The following SHLD1 variants were observed in gnomAD, a reference collection of about 807,000 sequenced individuals.
SHLD1 encodes RINN1-REV7-interacting novel NHEJ regulator 3.
In SHLD1, 3 loss-of-function variants were observed where a neutral mutation model predicts 5.5. The ratio of observed to expected loss-of-function variants is 0.54; its 90% confidence interval spans 0.25 to 1.40. The LOEUF (loss-of-function observed/expected upper bound fraction) is 1.40. Among genes scored for constraint, SHLD1 ranks in the 40% most tolerant of loss-of-function variants. The pLI is 0.15. For synonymous variants in SHLD1, 92 were observed against 94.3 expected, an observed-to-expected ratio of 0.98 and a Z score of 0.14; for missense variants, 210 against 244.4, an observed-to-expected ratio of 0.86 and a Z score of 0.94.
chr20:5,857,527 G>C (rs989795611), intron 2 of SHLD1, among the ~76,000 whole-genome samples: 2 of 152,098 alleles, frequency 1.3e-5, no homozygotes, highest in Admixed American at 1.3e-4. Flanking sequence ...CTTAAGTCTT[G>C]GTCAGGTGCT....
At chr20:5,847,251 A>G (rs1227959991) in intron 2 of SHLD1, among the ~76,000 whole-genome samples, 1 of 152,214 alleles carries the variant, frequency 6.6e-6, no homozygotes, top group Non-Finnish European at 1.5e-5. Context: ...CTCATCTGGA[A>G]AATAAGACAC....
chr20:5,766,308 T>G (rs1372652025), intron 1 of SHLD1, among the ~76,000 whole-genome samples: 13 of 152,142 alleles, frequency 8.5e-5, no homozygotes, highest in African/African-American at 7.2e-5. Context: ...CCTTGATCAC[T>G]CCATTCCTTT....
chr20:5,802,530 C>T (rs1186818480), intron 2 of SHLD1, among the ~76,000 whole-genome samples: 1 of 152,210 alleles, frequency 6.6e-6, no homozygotes. Context: ...AGAGCAGTAC[C>T]TGGTGCTTTG....
At chr20:5,846,733 G>C (rs989553616) in intron 2 of SHLD1, among the ~76,000 whole-genome samples, 1 of 152,194 alleles carries the variant, frequency 6.6e-6, no homozygotes, top group Non-Finnish European at 1.5e-5. Context: ...GGGATCGGGG[G>C]AACCATAGAT....
At chr20:5,816,089 G>GAAAAAAAAAAAAAAAAA (rs141881349) in intron 2 of SHLD1, among the ~76,000 whole-genome samples, 78 of 85,860 alleles carry the variant, frequency 9.1e-4, no homozygotes, top group East Asian at 1.6e-3. Flanking sequence ...TCAAAAAAAC[G>GAAAAAAAAAAAAAAAAA]AAAAAAAAAA....
At chr20:5,847,369 G>A (rs531563961) in intron 2 of SHLD1, among the ~76,000 whole-genome samples, 70 of 152,164 alleles carry the variant, frequency 4.6e-4, no homozygotes, top group Non-Finnish European at 8.8e-4. Flanking sequence ...AGCCGATGCC[G>A]TGAGGGTTGT....
chr20:5,854,927 G>T (rs1374340996), intron 2 of SHLD1, among the ~76,000 whole-genome samples: 1 of 147,986 alleles, frequency 6.8e-6, no homozygotes. Flanking sequence ...GAGTCCAGTG[G>T]CAGTGGCGTG....
intron 2 of SHLD1, among the ~76,000 whole-genome samples, chr20:5,826,294 T>C (rs2087664477): frequency 6.6e-6 from 1 of 152,336 alleles, no homozygotes; most frequent in East Asian, 1.9e-4. Flanking sequence ...TTTTCCCATA[T>C]TGAAATAGCT....
chr20:5,819,219 G>T (rs1294705), intron 2 of SHLD1, among the ~76,000 whole-genome samples: 1 of 151,722 alleles, frequency 6.6e-6, no homozygotes, highest in African/African-American at 2.4e-5. Flanking sequence ...GTTCCCCCTA[G>T]TGGAACTAAG....
At chr20:5,760,744 G>T (rs530834123) in intron 1 of SHLD1, among the ~76,000 whole-genome samples, 1 of 152,068 alleles carries the variant, frequency 6.6e-6, no homozygotes, top group African/African-American at 2.4e-5. Context: ...AGGAAGGTGT[G>T]TGAGTGTTGG....
chr20:5,789,437 C>T lies in SHLD1; in HGVS notation c.178+16394C>T, dbSNP rs192452270. 2.4e-3 allele frequency among the ~76,000 whole-genome samples: 370 copies of T among 151,436 alleles called. 9 individuals carry two copies. The highest frequency in any genetic ancestry group is 0.019 in the Admixed American group (291 of 15,192). ...ACTAAAGATACAAAAATTAGCTGGG[C>T]GTGGTGGTGGGCACCTGTAATCCCA... On this transcript the variant is annotated intron_variant, in intron 2 of 2. Coordinates refer to ENST00000303142, the MANE Select transcript of SHLD1 (RefSeq NM_152504.4).
intron 2 of SHLD1, among the ~76,000 whole-genome samples, chr20:5,845,403 C>G (rs2087921102): frequency 6.6e-6 from 1 of 152,088 alleles, no homozygotes; most frequent in Admixed American, 6.5e-5. Context: ...AAAGGACTTG[C>G]TAGGACTCAA....
At chr20:5,835,786 T>A (rs2122453261) in intron 2 of SHLD1, among the ~76,000 whole-genome samples, 1 of 152,350 alleles carries the variant, frequency 6.6e-6, no homozygotes, top group South Asian at 2.1e-4. Flanking sequence ...GGTATCTAGC[T>A]GATAAATGGA....
At chr20:5,819,028 G>A (rs1401882969) in intron 2 of SHLD1, among the ~76,000 whole-genome samples, 1 of 152,028 alleles carries the variant, frequency 6.6e-6, no homozygotes, top group Non-Finnish European at 1.5e-5. Flanking sequence ...ACACCCAGCT[G>A]ATTTTTGTGT....
intron 2 of SHLD1, among the ~76,000 whole-genome samples, chr20:5,781,564 G>A (rs57204190): frequency 0.013 from 1,990 of 152,122 alleles, 60 homozygotes; most frequent in Admixed American, 0.064. Flanking sequence ...TGCAACCTCC[G>A]CCTCCTGGGT....
intron 2 of SHLD1, among the ~76,000 whole-genome samples, chr20:5,827,815 G>A (rs139469658): frequency 3.3e-5 from 5 of 152,290 alleles, no homozygotes; most frequent in African/African-American, 7.2e-5. Context: ...ATTACAGTGC[G>A]TACTTCACTA....
intron 1 of SHLD1, among the ~76,000 whole-genome samples, chr20:5,763,411 T>A (rs895955739): frequency 4.6e-5 from 7 of 152,094 alleles, no homozygotes; most frequent in African/African-American, 1.4e-4. Context: ...AGCTGAAAGC[T>A]GAGTCATGCA....
chr20:5,823,400 G>A (rs1052635029), intron 2 of SHLD1, among the ~76,000 whole-genome samples: 2 of 151,884 alleles, frequency 1.3e-5, no homozygotes, highest in Admixed American at 6.6e-5. Context: ...GCTTCCCAAA[G>A]GCATGAGTCA....
In SHLD1 at chr20:5,791,859, A is replaced by G. The variant is rs541633779; in HGVS notation, c.178+18816A>G. Among the ~76,000 whole-genome samples, 13 of 152,300 alleles carry G rather than the reference A, an allele frequency of 8.5e-5. No homozygotes were observed. The South Asian group carries it at 2.1e-3, about 24-fold the overall frequency. On this transcript the variant is annotated intron_variant, in intron 2 of 2. Transcript: ENST00000303142. ...CAGTTTCTCCACATCCTTGCCAACAACACTTGTTATTTTCTGCTTTTTTGA... is the reference window on the plus strand; with the variant it reads ...CAGTTTCTCCACATCCTTGCCAACAGCACTTGTTATTTTCTGCTTTTTTGA...
Sources: gnomAD v4.1 joint callset for allele counts (sites outside exome capture counted in the v4.1 genomes callset) on GRCh38, gnomAD v4.1.1 for gene constraint, MANE v1.5 for transcripts, NCBI Gene and HGNC (gene_info 2026-07-23, HGNC 2026-07-21) for gene names.